PEAK1: variants seen among roughly 807,000 people sequenced by gnomAD.
PEAK1 encodes the protein inactive tyrosine-protein kinase PEAK1.
In PEAK1, 54 loss-of-function variants were observed where a neutral mutation model predicts 124.7. That is an observed-to-expected ratio of 0.43 (90% CI 0.35 to 0.54). The LOEUF is 0.54. PEAK1 is among the 20% of genes least tolerant of loss of function. The probability of loss-of-function intolerance (pLI) is 0.01; values close to 1 mark genes in which losing one functional copy is unlikely to be tolerated. For missense variants in PEAK1, 2,046 were observed against 2,134.5 expected (o/e 0.96, Z 0.82); for synonymous variants, 719 against 760.0 (o/e 0.95, Z 0.89).
intron 6 of PEAK1, among the ~76,000 whole-genome samples, chr15:77,209,925 C>T (rs537763743): frequency 3.3e-5 from 5 of 152,238 alleles, no homozygotes; most frequent in African/African-American, 9.6e-5. Context: ...TAAACAATTA[C>T]GTTTATGACA....
chr15:77,376,000 AAAATAAATAAAT>A (rs199883070), intron 1 of PEAK1, among the ~76,000 whole-genome samples: 41,937 of 145,066 alleles, frequency 0.29, 6,587 homozygotes, highest in Middle Eastern at 0.38. Flanking sequence ...CTCCGTCTCA[AAAATAAATAAAT>A]AAATAAATAA....
chr15:77,363,964 C>T (rs961809110), intron 2 of PEAK1, among the ~76,000 whole-genome samples: 5 of 151,620 alleles, frequency 3.3e-5, no homozygotes, highest in African/African-American at 9.7e-5. Context: ...TTTGGGAGGC[C>T]GAGGTGGGAG....
intron 5 of PEAK1, among the ~76,000 whole-genome samples, chr15:77,264,968 A>C (rs567300498): frequency 6.6e-6 from 1 of 152,122 alleles, no homozygotes; most frequent in Admixed American, 6.6e-5. Context: ...GCAACTATCT[A>C]ATCTTTGACA....
chr15:77,377,982 G>C (rs904569415), intron 1 of PEAK1, among the ~76,000 whole-genome samples: 21 of 151,926 alleles, frequency 1.4e-4, no homozygotes, highest in Admixed American at 9.2e-4. Flanking sequence ...AACCACATGT[G>C]GTATATTTTC....
At chr15:77,169,200 C>A (rs2056333356) in intron 7 of PEAK1, among the ~76,000 whole-genome samples, 1 of 152,118 alleles carries the variant, frequency 6.6e-6, no homozygotes, top group African/African-American at 2.4e-5. Context: ...GTAGCTGGAA[C>A]TACAGATGCA....
rs146077645 is a variant in PEAK1, at chr15:77,234,853, C to G, written c.-115+17514G>C. Among the ~76,000 whole-genome samples, 496 of 152,054 alleles carry G rather than the reference C, an allele frequency of 3.3e-3. 4 individuals are homozygous for G. The highest frequency in any genetic ancestry group is 0.012 in the African/African-American group (480 of 41,464). ...TGAGACAGGGTCTTGCTCTGTTGCC[C>G]AGGCTGGTCCTGAATTCTTAGCCTC... On this transcript the variant is annotated intron_variant, in intron 6 of 9. Coordinates refer to ENST00000682557, the MANE Select transcript of PEAK1 (RefSeq NM_001385026.1).
intron 6 of PEAK1, among the ~76,000 whole-genome samples, chr15:77,250,230 TATGTATATGTATATATATATATATA>T: frequency 1.6e-5 from 2 of 125,372 alleles, no homozygotes; most frequent in African/African-American, 6.4e-5. Context: ...TACACATATA[TATGTATATGTATATATATATATATA>T]TATTTTTTTT....
chr15:77,392,897 C>T (rs750661898), intron 1 of PEAK1, among the ~76,000 whole-genome samples: 1 of 152,180 alleles, frequency 6.6e-6, no homozygotes, highest in Non-Finnish European at 1.5e-5. Flanking sequence ...TGTTCAATTG[C>T]CGACACCATC....
intron 1 of PEAK1, among the ~76,000 whole-genome samples, chr15:77,384,893 T>C (rs1352348162): frequency 6.6e-6 from 1 of 152,182 alleles, no homozygotes; most frequent in Non-Finnish European, 1.5e-5. Context: ...CATCTGGCTC[T>C]AAGGAAAAAG....
exon 7 of PEAK1, chr15:77,102,474 A>G (rs1295520915): frequency 6.6e-6 from 1 of 152,216 alleles, no homozygotes; most frequent in East Asian, 1.9e-4. Context: ...TTTCTCAACA[A>G]GAGATAAAAC....
intron 2 of PEAK1, among the ~76,000 whole-genome samples, chr15:77,353,446 G>A (rs545134116): frequency 9.2e-5 from 14 of 152,274 alleles, no homozygotes; most frequent in Non-Finnish European, 1.8e-4. Flanking sequence ...ACTGGGTGGT[G>A]GACCGAAGCT....
At chr15:77,262,854 T>C (rs1338190152) in intron 5 of PEAK1, among the ~76,000 whole-genome samples, 2 of 152,178 alleles carry the variant, frequency 1.3e-5, no homozygotes, top group East Asian at 3.8e-4. Context: ...TAGTTGGAAG[T>C]AAAGCAGTCC....
At position 77,113,905 on chromosome 15, in the gene PEAK1, G is replaced by A; in HGVS notation, c.*251C>T. 1.9e-6 allele frequency: 1 copy of A among 519,650 alleles called. No homozygotes were observed. Among genetic ancestry groups the A allele is most frequent in the Non-Finnish European group, 3.4e-6 (1 of 291,928 alleles). 32.2% of individuals were successfully genotyped at this position (519,650 alleles called of 1,614,324 possible). On this transcript the variant is annotated 3_prime_UTR_variant, in exon 10 of 10. Coordinates refer to ENST00000682557, the MANE Select transcript of PEAK1 (RefSeq NM_001385026.1). The stretch of plus-strand genomic sequence containing the variant: ...TTACCTGCATTTATGGGACTATTAG[G>A]ATAGAAGGTGTTTCAAGGGAAGGCA...
At chr15:77,220,980 CTAAT>C (rs1156426065) in intron 6 of PEAK1, among the ~76,000 whole-genome samples, 9 of 151,964 alleles carry the variant, frequency 5.9e-5, no homozygotes, top group Non-Finnish European at 7.4e-5. Flanking sequence ...GATTGAAAGA[CTAAT>C]AAATAACAAG....
At chr15:77,278,257 G>C (rs989883680) in intron 5 of PEAK1, among the ~76,000 whole-genome samples, 13 of 151,998 alleles carry the variant, frequency 8.6e-5, no homozygotes, top group Non-Finnish European at 4.4e-5. Context: ...TCATACAATG[G>C]AACACTACTC....
intron 6 of PEAK1, among the ~76,000 whole-genome samples, chr15:77,240,578 A>G (rs2060311787): frequency 6.6e-6 from 1 of 152,016 alleles, no homozygotes; most frequent in Non-Finnish European, 1.5e-5. Flanking sequence ...CCTGGGCAAT[A>G]GAGTGAGACC....
rs116542787 is a variant in PEAK1, at chr15:77,405,299, C to A, written c.-666+14707G>T. On this transcript the variant is annotated intron_variant, in intron 1 of 9. Transcript: ENST00000682557. ...GATTACAGGCGTGAGCCACCACGCC[C>A]GGCTGAGGTCAACTAGATATTATAA... Among the ~76,000 whole-genome samples the A allele has an allele frequency of 6.9e-3, 1,054 of 152,054 alleles. 9 individuals carry two copies. Among genetic ancestry groups the A allele is most frequent in the African/African-American group, 0.024 (1,004 of 41,470 alleles).
chr15:77,188,506 C>T (rs2152830348), intron 6 of PEAK1, among the ~76,000 whole-genome samples: 1 of 152,212 alleles, frequency 6.6e-6, no homozygotes, highest in South Asian at 2.1e-4. Flanking sequence ...TCCCTGAAAC[C>T]ACTTTAGACC....
Position 77,346,377 on chromosome 15 carries a change from G to C in PEAK1, c.-603+18786C>G, listed in dbSNP as rs915641505. ...AATTTGTTCCTGTTCTATAATCCCA[G>C]ACAGAAAAATGTTTATGAGAAGGCA... On this transcript the variant is annotated intron_variant, in intron 2 of 9. Transcript: ENST00000682557. 2.3e-5 allele frequency: 23 copies of C among 984,506 alleles called. No individual in the cohort carries two copies. The African/African-American group carries it at 3.8e-4, about 16-fold the overall frequency. 61.0% of individuals were successfully genotyped at this position (984,506 alleles called of 1,614,324 possible).
Sources: gnomAD v4.1 joint callset for allele counts (sites outside exome capture counted in the v4.1 genomes callset) on GRCh38, gnomAD v4.1.1 for gene constraint, MANE v1.5 for transcripts, NCBI Gene and HGNC (gene_info 2026-07-23, HGNC 2026-07-21) for gene names.